INPP4A: variants seen among roughly 807,000 people sequenced by gnomAD.
INPP4A encodes the protein inositol polyphosphate-4-phosphatase, type I, 107kD.
Under a neutral mutation model 119.8 loss-of-function variants are expected in INPP4A, and 33 were observed. The ratio of observed to expected loss-of-function variants is 0.28; its 90% confidence interval spans 0.21 to 0.37. INPP4A has a LOEUF of 0.37. Ranked by LOEUF, INPP4A falls within the 10% of genes least tolerant of loss-of-function variation. The pLI, the probability that INPP4A is intolerant of heterozygous loss-of-function variation, is 1.00. For synonymous variants in INPP4A, 496 were observed against 500.7 expected, an observed-to-expected ratio of 0.99 and a Z score of 0.12; for missense variants, 956 against 1,289.9, an observed-to-expected ratio of 0.74 and a Z score of 3.97.
At chr2:98,583,419 G>A (rs970123942) in intron 24 of INPP4A, among the ~76,000 whole-genome samples, 10 of 152,150 alleles carry the variant, frequency 6.6e-5, no homozygotes, top group Non-Finnish European at 1.3e-4. Context: ...TGCCCCCTCA[G>A]TCCTCACGTG....
At chr2:98,534,192 T>C (rs951486536) in intron 5 of INPP4A, among the ~76,000 whole-genome samples, 1 of 152,264 alleles carries the variant, frequency 6.6e-6, no homozygotes, top group Non-Finnish European at 1.5e-5. Context: ...TCAACAATTC[T>C]GCTTTCTAAG....
At position 98,552,850 on chromosome 2, in the gene INPP4A, A is replaced by T; in HGVS notation, c.1228A>T (p.Ile410Phe). The T allele has an allele frequency of 1.2e-6, 2 of 1,613,912 alleles. No homozygotes were observed. The highest frequency in any genetic ancestry group is 1.7e-6 in the Non-Finnish European group (2 of 1,179,804). Reference protein sequence around the residue: ...PQDVVRAKEIIAQINTLKTQV... With the variant: ...PQDVVRAKEIFAQINTLKTQV... ...GGATGTTGTCAGAGCCAAGGAGATC[A>T]TCGCCCAGATCAACACCCTGAAAAC... Residue 410 changes from isoleucine (I) to phenylalanine (F), a missense_variant, in exon 14 of 25, where the codon ATC becomes TTC. Transcript: ENST00000409851.
At chr2:98,508,354 G>A (rs3769717) in intron 1 of INPP4A, among the ~76,000 whole-genome samples, 36,961 of 152,164 alleles carry the variant, frequency 0.24, 4,640 homozygotes, top group Middle Eastern at 0.35. Context: ...CTGCACTCCC[G>A]CCTCCACCAT....
intron 1 of INPP4A, among the ~76,000 whole-genome samples, chr2:98,504,047 A>G (rs1683611470): frequency 6.6e-6 from 1 of 152,176 alleles, no homozygotes; most frequent in African/African-American, 2.4e-5. Flanking sequence ...TAAAAACTGC[A>G]TTTCTTTTTG....
chr2:98,552,521 A>G (rs1179615225), intron 13 of INPP4A: 7 of 583,264 alleles, frequency 1.2e-5, no homozygotes, highest in South Asian at 3.1e-5. Context: ...CTGTTCATAC[A>G]TTTACATACA....
chr2:98,488,847 T>C (rs925284031), intron 1 of INPP4A, among the ~76,000 whole-genome samples: 4 of 150,200 alleles, frequency 2.7e-5, no homozygotes, highest in Non-Finnish European at 5.9e-5. Flanking sequence ...GAGTAGGGAG[T>C]GTTGTGAAAG....
intron 1 of INPP4A, among the ~76,000 whole-genome samples, chr2:98,458,078 G>A (rs1696467755): frequency 1.3e-5 from 2 of 149,796 alleles, no homozygotes; most frequent in African/African-American, 2.5e-5. Context: ...CTTAACCTCC[G>A]AAAGTGCTTG....
chr2:98,537,938 C>T lies in INPP4A; in HGVS notation c.543C>T (p.Pro181=), dbSNP rs890791938. Residue 181 remains proline, a synonymous_variant, in exon 8 of 25, where the codon CCC becomes CCT. Coordinates refer to ENST00000409851, the MANE Select transcript of INPP4A (RefSeq NM_001134225.2). Reference sequence around the variant, plus strand: ...TGGAGGAGAAGTCAGACCAACGGCCCCCTGTGACCCGGTCTGTGGACACTG... The same window carrying T: ...TGGAGGAGAAGTCAGACCAACGGCCTCCTGTGACCCGGTCTGTGGACACTG... ...WQMEEKSDQR[P]PVTRSVDTVN... 2 of 1,612,702 alleles carry T rather than the reference C, an allele frequency of 1.2e-6. No homozygotes were observed. Among genetic ancestry groups the T allele is most frequent in the Non-Finnish European group, 1.7e-6 (2 of 1,179,354 alleles).
chr2:98,543,812 C>T, intron 10 of INPP4A, 65 bp from the exon 11 acceptor site: 4 of 1,592,806 alleles, frequency 2.5e-6, no homozygotes, highest in Admixed American at 3.4e-5. Context: ...CCTGGGTAGA[C>T]CTCCTGGGCC....
At chr2:98,466,438 T>A (rs927339343) in intron 1 of INPP4A, among the ~76,000 whole-genome samples, 3 of 152,276 alleles carry the variant, frequency 2.0e-5, no homozygotes, top group Admixed American at 6.5e-5. Flanking sequence ...TATCACAGAT[T>A]ACAATGAGTC....
rs1014998518 is a variant in INPP4A, at chr2:98,592,012, A to G, written c.*4404A>G. ...ATTTCTCTTAAGCTGGGGGGAGAAG[A>G]GCTGTTCTGTGTATAGGGGTATTGG... On this transcript the variant is annotated 3_prime_UTR_variant, in exon 25 of 25. Coordinates refer to ENST00000409851, the MANE Select transcript of INPP4A (RefSeq NM_001134225.2). 1 of 152,164 alleles carries G rather than the reference A, an allele frequency of 6.6e-6. No individual in the cohort carries two copies. Among genetic ancestry groups the G allele is most frequent in the African/African-American group, 2.4e-5 (1 of 41,400 alleles). The allele number at this position is 152,164 out of a possible 1,614,324, so 9.4% of individuals were successfully genotyped here. A position where few individuals can be genotyped will look rare whatever the true frequency, so the allele number is the denominator to read the frequency against.
At chr2:98,584,607 C>T (rs150775340) in intron 24 of INPP4A, among the ~76,000 whole-genome samples, 1,627 of 152,384 alleles carry the variant, frequency 0.011, 32 homozygotes, top group Non-Finnish European at 0.013. Flanking sequence ...CCCATGTGGG[C>T]TTGGCCCGTG....
Position 98,466,138 on chromosome 2 carries a change from T to C in INPP4A, c.-166+21053T>C, listed in dbSNP as rs950203641. Among the ~76,000 whole-genome samples the C allele has an allele frequency of 2.6e-5, 4 of 152,220 alleles. No homozygotes were observed. The East Asian group carries it at 7.7e-4, about 29-fold the overall frequency. ...TCTGCTCACTGCAACCTCTGTCTCCTGGATTCAAGCGATTCTCCTGCCTCA... is the reference window on the plus strand; with the variant it reads ...TCTGCTCACTGCAACCTCTGTCTCCCGGATTCAAGCGATTCTCCTGCCTCA... On this transcript the variant is annotated intron_variant, in intron 1 of 24. Coordinates refer to ENST00000409851, the MANE Select transcript of INPP4A (RefSeq NM_001134225.2).
intron 1 of INPP4A, among the ~76,000 whole-genome samples, chr2:98,470,588 T>C (rs1675792431): frequency 6.6e-6 from 1 of 151,954 alleles, no homozygotes; most frequent in South Asian, 2.1e-4. Flanking sequence ...AGTTGGGTGG[T>C]CACTTCCTTG....
intron 1 of INPP4A, among the ~76,000 whole-genome samples, chr2:98,489,511 T>C (rs1001069211): frequency 6.6e-6 from 1 of 152,120 alleles, no homozygotes; most frequent in Non-Finnish European, 1.5e-5. Context: ...CCTAGGATGC[T>C]GAGGCACCAA....
At chr2:98,468,809 G>GA (rs1010959812) in intron 1 of INPP4A, among the ~76,000 whole-genome samples, 7 of 152,080 alleles carry the variant, frequency 4.6e-5, no homozygotes, top group Non-Finnish European at 7.3e-5. Context: ...GCTCATGGCT[G>GA]AGATTGAGAG....
At position 98,508,820 on chromosome 2, in the gene INPP4A, ACAG is replaced by A. The variant is rs148358175; in HGVS notation, c.-165-10140_-165-10138del. Among the ~76,000 whole-genome samples, 3 of 152,320 alleles carry A rather than the reference ACAG, an allele frequency of 2.0e-5. No homozygotes were observed. The East Asian group carries it at 5.8e-4, about 29-fold the overall frequency. On this transcript the variant is annotated intron_variant, in intron 1 of 24. Coordinates refer to ENST00000409851, the MANE Select transcript of INPP4A (RefSeq NM_001134225.2). Reference sequence around the variant, plus strand: ...CTGCAGTCCTAACCACGCAGCTCTGACAGCAGACCGCCATGTACAGTGTTCCTG... The same window carrying A: ...CTGCAGTCCTAACCACGCAGCTCTGACAGACCGCCATGTACAGTGTTCCTG...
chr2:98,520,791 A>G lies in INPP4A; in HGVS notation c.151+60A>G. The G allele has an allele frequency of 3.2e-6, 3 of 936,270 alleles. No individual in the cohort carries two copies. The South Asian group carries it at 4.6e-5, about 14-fold the overall frequency. The allele number at this position is 936,270 out of a possible 1,614,324, so 58.0% of individuals were successfully genotyped here. On this transcript the variant is annotated intron_variant, in intron 4 of 24. Coordinates refer to ENST00000409851, the MANE Select transcript of INPP4A (RefSeq NM_001134225.2). The stretch of plus-strand genomic sequence containing the variant: ...ATATTTTACTTAAAAATGAAAACAA[A>G]AACACTACCACCAGTGCATGGGCTT...
At chr2:98,520,842 C>T (rs1687043141) in intron 4 of INPP4A, 111 bp downstream of exon 4, 2 of 629,918 alleles carry the variant, frequency 3.2e-6, no homozygotes, top group Non-Finnish European at 5.5e-6. Context: ...CTGCTGCTGC[C>T]ACCACTGCTG....
Sources: allele counts gnomAD v4.1 joint callset (sites outside exome capture counted in the v4.1 genomes callset), GRCh38; gene constraint gnomAD v4.1.1; transcripts MANE v1.5; gene names NCBI Gene and HGNC (gene_info 2026-07-23, HGNC 2026-07-21).